The following OCA2 variants were observed in gnomAD, a reference collection of about 807,000 sequenced individuals.
The protein encoded by OCA2 is P protein.
OCA2 carries 77 observed loss-of-function variants against 100.2 expected under a neutral mutation model. That is an observed-to-expected ratio of 0.77 (90% CI 0.64 to 0.93). OCA2 has a LOEUF of 0.93. Among genes scored for constraint, OCA2 ranks in the 40% least tolerant of loss-of-function variants. The pLI is 0.00. For missense variants in OCA2, 1,062 were observed against 1,089.1 expected (o/e 0.98, Z 0.35); for synonymous variants, 432 against 439.2 (o/e 0.98, Z 0.21).
intron 2 of OCA2, among the ~76,000 whole-genome samples, chr15:28,069,389 TCCCCCTCC>T (rs2044134497): frequency 3.6e-3 from 20 of 5,628 alleles, no homozygotes; most frequent in East Asian, 8.1e-3. Context: ...TCCCTCCCCC[TCCCCCTCC>T]CCCTCCCCTT....
At chr15:27,965,779 A>G (rs1301244660) in intron 15 of OCA2, among the ~76,000 whole-genome samples, 2 of 152,222 alleles carry the variant, frequency 1.3e-5, no homozygotes, top group Non-Finnish European at 2.9e-5. Flanking sequence ...CAGCATCCAT[A>G]TTCTGGAGCT....
chr15:27,759,672 C>T (rs935559205), intron 23 of OCA2, among the ~76,000 whole-genome samples: 6 of 150,834 alleles, frequency 4.0e-5, no homozygotes, highest in Non-Finnish European at 4.4e-5. Flanking sequence ...AAAATTGAAA[C>T]AAAAACTGAC....
intron 15 of OCA2, among the ~76,000 whole-genome samples, chr15:27,960,590 C>CTCTATCTATCTATCTA (rs10651380): frequency 8.6e-5 from 13 of 151,844 alleles, no homozygotes; most frequent in African/African-American, 3.1e-4. Flanking sequence ...ACACCATTTG[C>CTCTATCTATCTATCTA]TCTATCTATC....
intron 18 of OCA2, among the ~76,000 whole-genome samples, chr15:27,948,390 T>C (rs952326214): frequency 2.6e-5 from 4 of 152,210 alleles, no homozygotes; most frequent in Non-Finnish European, 5.9e-5. Context: ...ACCCAGAGAA[T>C]AAAACCCTAA....
rs771413786 is a variant in OCA2, at chr15:27,936,322, CA to C, written c.1952-10069del. 7.2e-5 allele frequency among the ~76,000 whole-genome samples: 11 copies of C among 152,224 alleles called. No individual in the cohort carries two copies. In the East Asian group the frequency reaches 2.1e-3, roughly 29 times the overall value. ...AGAAAGTCAGAAGGAGCCGAGTGACCAGGGGGTTAAGGTCTATTATAGCACC... is the reference window on the plus strand; with the variant it reads ...AGAAAGTCAGAAGGAGCCGAGTGACCGGGGGTTAAGGTCTATTATAGCACC... On this transcript the variant is annotated intron_variant, in intron 18 of 23. Transcript: ENST00000354638.
chr15:28,016,678 G>T (rs957163624), intron 7 of OCA2, among the ~76,000 whole-genome samples: 20 of 152,090 alleles, frequency 1.3e-4, no homozygotes, highest in African/African-American at 4.8e-4. Flanking sequence ...GCCACTTAGG[G>T]GCTGAGGCGG....
chr15:27,917,314 T>C (rs769681897), intron 19 of OCA2, among the ~76,000 whole-genome samples: 2 of 152,202 alleles, frequency 1.3e-5, no homozygotes, highest in Non-Finnish European at 2.9e-5. Flanking sequence ...TTAATATTAA[T>C]AGACTATTCT....
intron 23 of OCA2, among the ~76,000 whole-genome samples, chr15:27,819,831 G>A (rs1282481618): frequency 3.9e-5 from 6 of 152,194 alleles, no homozygotes; most frequent in African/African-American, 1.4e-4. Context: ...CTAGATCCCA[G>A]ATCTTGGCTT....
In OCA2 at chr15:27,957,798, T is replaced by G. The variant is rs2040279371; in HGVS notation, c.1637-63A>C. On this transcript the variant is annotated intron_variant, in intron 15 of 23. Transcript: ENST00000354638. The surrounding 1 kb of genome is among the most constrained non-coding windows in gnomAD (Gnocchi z 4.3). ...ACCTCAGATATCAGCAACACCCTCC[T>G]CTGTTCCCCACACAGTCGATGCCTG... The G allele has an allele frequency of 5.0e-6, 8 of 1,589,462 alleles. No individual in the cohort carries two copies. Among genetic ancestry groups the G allele is most frequent in the South Asian group, 1.1e-5 (1 of 90,262 alleles).
chr15:27,875,094 G>T (rs957405664), intron 19 of OCA2, among the ~76,000 whole-genome samples: 1 of 152,066 alleles, frequency 6.6e-6, no homozygotes, highest in Admixed American at 6.6e-5. Flanking sequence ...AGTAGAAAGT[G>T]GGAAAGAGAG....
chr15:27,902,080 G>A (rs1239342958), intron 19 of OCA2, among the ~76,000 whole-genome samples: 2 of 152,182 alleles, frequency 1.3e-5, no homozygotes, highest in African/African-American at 4.8e-5. Flanking sequence ...TCCCTCTGAT[G>A]GAAATTCCAT....
At chr15:27,872,536 C>G (rs1027097420) in intron 19 of OCA2, among the ~76,000 whole-genome samples, 2 of 152,172 alleles carry the variant, frequency 1.3e-5, no homozygotes, top group Non-Finnish European at 2.9e-5. Flanking sequence ...CACGACCGAG[C>G]CACTGTGAGA....
intron 19 of OCA2, among the ~76,000 whole-genome samples, chr15:27,893,075 T>C (rs914672946): frequency 3.3e-5 from 5 of 152,206 alleles, no homozygotes; most frequent in Non-Finnish European, 7.4e-5. Context: ...AAAGTTTCCT[T>C]TTAAAAAAAG....
intron 9 of OCA2, among the ~76,000 whole-genome samples, chr15:27,997,115 GGAAGGAAGGAAGGAA>G (rs1017720765): frequency 2.8e-5 from 2 of 72,274 alleles, no homozygotes; most frequent in Admixed American, 2.6e-4. Flanking sequence ...AGAAAAGAAA[GGAAGGAAGGAAGGAA>G]GAAGGAAGGA....
At chr15:28,085,058 G>C (rs2044754515) in intron 1 of OCA2, among the ~76,000 whole-genome samples, 1 of 152,204 alleles carries the variant, frequency 6.6e-6, no homozygotes, top group Admixed American at 6.5e-5. Context: ...TGGGCCCCTA[G>C]AGTCTGCCAC....
chr15:27,997,293 T>C (rs892324283), intron 9 of OCA2, among the ~76,000 whole-genome samples: 1 of 152,194 alleles, frequency 6.6e-6, no homozygotes, highest in Non-Finnish European at 1.5e-5. Flanking sequence ...CCAATATCCC[T>C]GATGAACTTA....
chr15:27,877,300 T>C (rs1272930652), intron 19 of OCA2, among the ~76,000 whole-genome samples: 1 of 151,966 alleles, frequency 6.6e-6, no homozygotes, highest in Non-Finnish European at 1.5e-5. Context: ...TTGAATTCTG[T>C]GGTTGTTGGA....
At chr15:27,792,903 C>T (rs1566967042) in intron 23 of OCA2, among the ~76,000 whole-genome samples, 1 of 152,180 alleles carries the variant, frequency 6.6e-6, no homozygotes, top group Non-Finnish European at 1.5e-5. Context: ...CCTGTGTGGC[C>T]CACCTTGCCC....
At chr15:27,868,116 C>A (rs75705297) in intron 21 of OCA2, among the ~76,000 whole-genome samples, 1 of 152,276 alleles carries the variant, frequency 6.6e-6, no homozygotes, top group Admixed American at 6.5e-5. Context: ...TGACATGCAG[C>A]TTTTTAGGCG....
Sources: allele counts gnomAD v4.1 joint callset (sites outside exome capture counted in the v4.1 genomes callset), GRCh38; gene constraint gnomAD v4.1.1; non-coding constraint Gnocchi (gnomAD v3.1); transcripts MANE v1.5; gene names NCBI Gene and HGNC (gene_info 2026-07-23, HGNC 2026-07-21).